Variants in NUBPL observed in about 807,000 individuals in gnomAD.
NUBPL encodes iron-sulfur cluster transfer protein NUBPL.
In NUBPL, 31 loss-of-function variants were observed where a neutral mutation model predicts 45.7. The ratio of observed to expected loss-of-function variants is 0.68; its 90% confidence interval spans 0.51 to 0.92. The LOEUF is 0.92. Among genes scored for constraint, NUBPL ranks in the 40% least tolerant of loss-of-function variants. The probability of loss-of-function intolerance (pLI) is 0.00; values close to 1 mark genes in which losing one functional copy is unlikely to be tolerated. For missense variants in NUBPL, 401 were observed against 398.7 expected (o/e 1.01, Z -0.05); for synonymous variants, 144 against 140.9 (o/e 1.02, Z -0.15).
chr14:31,807,174 T>C (rs1190339257), intron 7 of NUBPL, among the ~76,000 whole-genome samples: 1 of 152,172 alleles, frequency 6.6e-6, no homozygotes, highest in Non-Finnish European at 1.5e-5. Flanking sequence ...GTTTCTAGTT[T>C]TAGATCCTTG....
intron 4 of NUBPL, among the ~76,000 whole-genome samples, chr14:31,609,105 C>T (rs1391491346): frequency 6.6e-6 from 1 of 151,972 alleles, no homozygotes; most frequent in African/African-American, 2.4e-5. Context: ...ATGGACTAAA[C>T]TCTCCAATCA....
chr14:31,758,192 C>T (rs1044257534), intron 6 of NUBPL, among the ~76,000 whole-genome samples: 2 of 152,128 alleles, frequency 1.3e-5, no homozygotes, highest in Non-Finnish European at 2.9e-5. Flanking sequence ...ATCTTGTTCA[C>T]TGTTAACTTT....
intron 7 of NUBPL, among the ~76,000 whole-genome samples, chr14:31,788,837 C>G (rs1204051907): frequency 6.6e-6 from 1 of 152,194 alleles, no homozygotes; most frequent in African/African-American, 2.4e-5. Context: ...CAGGGGCTCT[C>G]TCTCCTGCTC....
At chr14:31,810,362 C>A (rs1361369528) in intron 7 of NUBPL, among the ~76,000 whole-genome samples, 1 of 152,092 alleles carries the variant, frequency 6.6e-6, no homozygotes, top group Admixed American at 6.6e-5. Flanking sequence ...TTCCCTTTAC[C>A]ATTATGTAAT....
chr14:31,684,069 A>G (rs1376581840), intron 6 of NUBPL, among the ~76,000 whole-genome samples: 3 of 152,308 alleles, frequency 2.0e-5, no homozygotes, highest in Non-Finnish European at 4.4e-5. Flanking sequence ...AATTACATCC[A>G]TAGCTCAATA....
chr14:31,745,297 TG>T (rs2038373865), intron 6 of NUBPL, among the ~76,000 whole-genome samples: 1 of 151,928 alleles, frequency 6.6e-6, no homozygotes, highest in Admixed American at 6.6e-5. Flanking sequence ...TGAGAACATG[TG>T]ATGTTTGGTT....
At position 31,839,557 on chromosome 14, in the gene NUBPL, A is replaced by G. The variant is rs559420215; in HGVS notation, c.694-6914A>G. Among the ~76,000 whole-genome samples the G allele has an allele frequency of 2.8e-4, 43 of 152,344 alleles. 1 individual carries two copies. In the South Asian group the frequency reaches 6.4e-3, roughly 23 times the overall value. On this transcript the variant is annotated intron_variant, in intron 8 of 10. Coordinates refer to ENST00000281081, the MANE Select transcript of NUBPL (RefSeq NM_025152.3). ...AAGCTCTATGACATTGGTCTGGGCAATTATTTTTCTGGATAGACAAAATAG... is the reference window on the plus strand; with the variant it reads ...AAGCTCTATGACATTGGTCTGGGCAGTTATTTTTCTGGATAGACAAAATAG...
intron 6 of NUBPL, among the ~76,000 whole-genome samples, chr14:31,731,984 C>T (rs1452549863): frequency 6.6e-6 from 1 of 151,678 alleles, no homozygotes; most frequent in South Asian, 2.1e-4. Flanking sequence ...GGGCGGATCA[C>T]GAGGTCAGGA....
chr14:31,852,593 C>T (rs986651751), intron 10 of NUBPL, among the ~76,000 whole-genome samples: 1 of 152,118 alleles, frequency 6.6e-6, no homozygotes, highest in Non-Finnish European at 1.5e-5. Flanking sequence ...ATCACTTCAT[C>T]CTGGGAGGCG....
At chr14:31,722,306 G>A (rs373833298) in intron 6 of NUBPL, among the ~76,000 whole-genome samples, 5 of 152,088 alleles carry the variant, frequency 3.3e-5, no homozygotes, top group Non-Finnish European at 7.4e-5. Flanking sequence ...CACCACGCCC[G>A]GCCATGTACC....
At chr14:31,677,539 C>G (rs2036729234) in intron 6 of NUBPL, among the ~76,000 whole-genome samples, 1 of 152,204 alleles carries the variant, frequency 6.6e-6, no homozygotes, top group Non-Finnish European at 1.5e-5. Flanking sequence ...CCTAGTAATG[C>G]TTGGTTCTTG....
intron 4 of NUBPL, among the ~76,000 whole-genome samples, chr14:31,657,264 A>G (rs2036162377): frequency 6.6e-6 from 1 of 152,188 alleles, no homozygotes. Context: ...TTACTTCTTT[A>G]CTATGATTTC....
intron 7 of NUBPL, among the ~76,000 whole-genome samples, chr14:31,788,475 C>A (rs2039324173): frequency 6.6e-6 from 1 of 152,164 alleles, no homozygotes; most frequent in Non-Finnish European, 1.5e-5. Flanking sequence ...TTGTAGGATT[C>A]TCTTACTCTG....
chr14:31,798,724 G>A (rs1420790737), intron 7 of NUBPL, among the ~76,000 whole-genome samples: 13 of 146,224 alleles, frequency 8.9e-5, no homozygotes, highest in South Asian at 2.2e-4. Flanking sequence ...CCTGGGAGGC[G>A]GAGCTTGCAG....
intron 3 of NUBPL, among the ~76,000 whole-genome samples, chr14:31,570,512 A>G (rs1267391102): frequency 1.3e-5 from 2 of 152,214 alleles, no homozygotes; most frequent in Admixed American, 1.3e-4. Context: ...ATTTTCATGA[A>G]CATAATTATA....
chr14:31,732,815 T>C (rs2038081541), intron 6 of NUBPL, among the ~76,000 whole-genome samples: 2 of 152,124 alleles, frequency 1.3e-5, no homozygotes, highest in South Asian at 4.2e-4. Flanking sequence ...TTTCACCATG[T>C]TGGCCAGGCT....
At chr14:31,631,134 T>A (rs2035331054) in intron 4 of NUBPL, among the ~76,000 whole-genome samples, 1 of 152,082 alleles carries the variant, frequency 6.6e-6, no homozygotes, top group Non-Finnish European at 1.5e-5. Context: ...ATCTCACTTG[T>A]TTTTCTTTTT....
At chr14:31,647,913 G>C (rs12895887) in intron 4 of NUBPL, among the ~76,000 whole-genome samples, 3,017 of 152,252 alleles carry the variant, frequency 0.02, 58 homozygotes, top group Non-Finnish European at 0.028. Context: ...TTTGGAAAAG[G>C]CTACTTTTAA....
At chr14:31,648,934 C>T (rs759279373) in intron 4 of NUBPL, among the ~76,000 whole-genome samples, 1 of 152,022 alleles carries the variant, frequency 6.6e-6, no homozygotes, top group Non-Finnish European at 1.5e-5. Context: ...TCTGCCTCCC[C>T]AGTAGCTGGG....
Sources: allele counts gnomAD v4.1 joint callset (sites outside exome capture counted in the v4.1 genomes callset), GRCh38; gene constraint gnomAD v4.1.1; transcripts MANE v1.5; gene names NCBI Gene and HGNC (gene_info 2026-07-23, HGNC 2026-07-21).